The following FAM107B variants were observed in gnomAD, a reference collection of about 807,000 sequenced individuals.
FAM107B encodes the protein protein FAM107B.
In FAM107B, 21 loss-of-function variants were observed where a neutral mutation model predicts 31.5. That is an observed-to-expected ratio of 0.67 (90% CI 0.47 to 0.96). FAM107B has a LOEUF of 0.96. Among genes scored for constraint, FAM107B ranks in the 40% least tolerant of loss-of-function variants. FAM107B has a pLI of 0.00. For missense variants in FAM107B, 452 were observed against 377.1 expected (o/e 1.20, Z -1.64); for synonymous variants, 157 against 141.5 (o/e 1.11, Z -0.78).
chr10:14,746,677 G>A (rs1832732184), intron 1 of FAM107B, among the ~76,000 whole-genome samples: 1 of 152,140 alleles, frequency 6.6e-6, no homozygotes, highest in African/African-American at 2.4e-5. Context: ...TCAGTCTGAT[G>A]GGCTTCCCTT....
At chr10:14,582,370 CTTT>C (rs1200225339) in intron 2 of FAM107B, among the ~76,000 whole-genome samples, 1 of 90,490 alleles carries the variant, frequency 1.1e-5, no homozygotes, top group South Asian at 4.2e-4. Flanking sequence ...TTTGTTTTTT[CTTT>C]TCTTTTTTTT....
At chr10:14,629,585 T>C (rs1031762100) in intron 2 of FAM107B, among the ~76,000 whole-genome samples, 2 of 144,626 alleles carry the variant, frequency 1.4e-5, no homozygotes. Flanking sequence ...CCATCTCAGC[T>C]CACTGCAAGC....
At chr10:14,541,442 T>A (rs1407306862) in intron 2 of FAM107B, among the ~76,000 whole-genome samples, 1 of 152,054 alleles carries the variant, frequency 6.6e-6, no homozygotes, top group African/African-American at 2.4e-5. Context: ...CCCGTGCACG[T>A]TCCCATCTCC....
At chr10:14,553,972 C>G (rs1849483102) in intron 2 of FAM107B, 1 of 301,570 alleles carries the variant, frequency 3.3e-6, no homozygotes, top group African/African-American at 2.3e-5. Context: ...GCTCAGGTAG[C>G]TTTCTGAGCC....
rs142886602 is a variant in FAM107B, at chr10:14,757,048, T to C, written c.411+17205A>G. ...GGAGAGGATCAGGAAAAATAACTAATGGGTACTAGGCTTAATACCTGGATG... is the reference window on the plus strand; with the variant it reads ...GGAGAGGATCAGGAAAAATAACTAACGGGTACTAGGCTTAATACCTGGATG... On this transcript the variant is annotated intron_variant, in intron 1 of 4. Transcript: ENST00000181796. 1.8e-3 allele frequency among the ~76,000 whole-genome samples: 273 copies of C among 152,228 alleles called. 2 individuals carry two copies. The highest frequency in any genetic ancestry group is 6.4e-3 in the African/African-American group (267 of 41,542).
Position 14,521,068 on chromosome 10 carries a change from C to T in FAM107B, c.*122G>A, listed in dbSNP as rs965577449. On this transcript the variant is annotated 3_prime_UTR_variant, in exon 5 of 5. Coordinates refer to ENST00000181796, the MANE Select transcript of FAM107B (RefSeq NM_031453.4). ...GATCGTAGGAAAATCAAACCAAATCCTACTGCAAGTCAAAATTCTCTGCTG... is the reference window on the plus strand; with the variant it reads ...GATCGTAGGAAAATCAAACCAAATCTTACTGCAAGTCAAAATTCTCTGCTG... 5.1e-6 allele frequency: 4 copies of T among 781,156 alleles called. No homozygotes were observed. The highest frequency in any genetic ancestry group is 3.5e-5 in the African/African-American group (2 of 56,772). 48.4% of individuals were successfully genotyped at this position (781,156 alleles called of 1,614,324 possible).
chr10:14,674,787 T>C (rs187375205), intron 1 of FAM107B, among the ~76,000 whole-genome samples: 1 of 152,142 alleles, frequency 6.6e-6, no homozygotes, highest in African/African-American at 2.4e-5. Flanking sequence ...CAGGCTGGAG[T>C]GCAGTGGTAC....
At chr10:14,611,487 TATATATATATATA>T (rs1564599680) in intron 2 of FAM107B, among the ~76,000 whole-genome samples, 196 of 5,824 alleles carry the variant, frequency 0.034, 3 homozygotes, top group Middle Eastern at 0.3. Context: ...GCCAGTTTTA[TATATATATATATA>T]TATATATATA....
At chr10:14,595,298 T>C (rs1310734093) in intron 2 of FAM107B, among the ~76,000 whole-genome samples, 1 of 152,068 alleles carries the variant, frequency 6.6e-6, no homozygotes, top group African/African-American at 2.4e-5. Context: ...TACTTTCGTA[T>C]CAATCTCGCA....
intron 2 of FAM107B, among the ~76,000 whole-genome samples, chr10:14,594,274 C>A (rs923925660): frequency 6.6e-6 from 1 of 152,086 alleles, no homozygotes; most frequent in Admixed American, 6.5e-5. Flanking sequence ...GGGAGGCCAA[C>A]GCAAAAGGAT....
chr10:14,529,938 C>T (rs927224335), intron 3 of FAM107B: 2 of 170,418 alleles, frequency 1.2e-5, no homozygotes, highest in South Asian at 1.9e-4. Flanking sequence ...CCGGAGTAGG[C>T]GGCAATTACA....
At chr10:14,568,099 C>A (rs1850833406) in intron 2 of FAM107B, among the ~76,000 whole-genome samples, 1 of 152,168 alleles carries the variant, frequency 6.6e-6, no homozygotes. Context: ...GGAGCTACGA[C>A]CACGAAATGC....
chr10:14,668,217 G>C (rs1207807732), intron 1 of FAM107B, among the ~76,000 whole-genome samples: 1 of 151,808 alleles, frequency 6.6e-6, no homozygotes, highest in Non-Finnish European at 1.5e-5. Context: ...GATTTTTTTT[G>C]TATTTTTAGT....
At position 14,689,379 on chromosome 10, in the gene FAM107B, C is replaced by CAAAAA. The variant is rs200283842; in HGVS notation, c.412-21693_412-21689dup. Among the ~76,000 whole-genome samples, 751 of 128,662 alleles carry CAAAAA rather than the reference C, an allele frequency of 5.8e-3. 9 individuals carry two copies. The highest frequency in any genetic ancestry group is 0.02 in the African/African-American group (685 of 34,414). The allele number at this position is 128,662 out of a possible 152,430, so 84.4% of individuals were successfully genotyped here. A position where few individuals can be genotyped will look rare whatever the true frequency, so the allele number is the denominator to read the frequency against. The stretch of plus-strand genomic sequence containing the variant: ...TGGGCAACAGAATAAGACCCTATCT[C>CAAAAA]AAAAAAAAAAAAAAAGAATAAAAAT... On this transcript the variant is annotated intron_variant, in intron 1 of 4. Transcript: ENST00000181796.
chr10:14,521,592 T>C (rs1347120212), intron 4 of FAM107B, among the ~76,000 whole-genome samples: 1 of 152,220 alleles, frequency 6.6e-6, no homozygotes, highest in Non-Finnish European at 1.5e-5. Flanking sequence ...GGAGTCTTCA[T>C]GAAAGTGAAT....
At chr10:14,558,045 A>G (rs1441489882) in intron 2 of FAM107B, among the ~76,000 whole-genome samples, 7 of 152,270 alleles carry the variant, frequency 4.6e-5, no homozygotes, top group Admixed American at 4.6e-4. Flanking sequence ...CCGTGAGTCC[A>G]GGTAATTCCT....
chr10:14,736,564 A>G (rs1244350029), intron 1 of FAM107B, among the ~76,000 whole-genome samples: 1 of 152,218 alleles, frequency 6.6e-6, no homozygotes, highest in African/African-American at 2.4e-5. Context: ...ACCAAAAAAT[A>G]AAAACAAGAA....
intron 2 of FAM107B, among the ~76,000 whole-genome samples, chr10:14,588,831 G>A (rs1275680921): frequency 6.6e-6 from 1 of 152,050 alleles, no homozygotes; most frequent in African/African-American, 2.4e-5. Flanking sequence ...GAGAGAGAAG[G>A]AGGGCTCCAA....
intron 1 of FAM107B, among the ~76,000 whole-genome samples, chr10:14,772,217 G>C (rs1214312232): frequency 6.6e-6 from 1 of 152,048 alleles, no homozygotes; most frequent in Non-Finnish European, 1.5e-5. Context: ...AGCTGGGCCT[G>C]GTGGCAGGCA....
Sources: allele counts gnomAD v4.1 joint callset (sites outside exome capture counted in the v4.1 genomes callset), GRCh38; gene constraint gnomAD v4.1.1; transcripts MANE v1.5; gene names NCBI Gene and HGNC (gene_info 2026-07-23, HGNC 2026-07-21).